MED12L: variants seen among roughly 807,000 people sequenced by gnomAD.
MED12L encodes mediator complex subunit 12L.
MED12L carries 60 observed loss-of-function variants against 281.3 expected under a neutral mutation model. The ratio of observed to expected loss-of-function variants is 0.21; its 90% CI spans 0.17 to 0.26. The LOEUF (loss-of-function observed/expected upper bound fraction) is 0.26, where lower values mean the gene tolerates loss of function less well. Among genes scored for constraint, MED12L ranks in the 10% least tolerant of loss-of-function variants. MED12L has a pLI of 1.00. For synonymous variants in MED12L, 974 were observed against 987.2 expected (o/e 0.99, Z 0.25); for missense variants, 2,146 against 2,680.9 (o/e 0.80, Z 4.41).
intron 39 of MED12L, among the ~76,000 whole-genome samples, chr3:151,406,326 T>C (rs968731363): frequency 2.0e-5 from 3 of 152,232 alleles, no homozygotes; most frequent in African/African-American, 7.2e-5. Flanking sequence ...TCTCAACTAA[T>C]TGAACTGTTT....
At chr3:151,301,581 G>A (rs2149726249) in intron 16 of MED12L, among the ~76,000 whole-genome samples, 1 of 152,266 alleles carries the variant, frequency 6.6e-6, no homozygotes, top group South Asian at 2.1e-4. Flanking sequence ...TTAATAAGGA[G>A]AACAGAACCC....
intron 16 of MED12L, chr3:151,299,929 A>G (rs1745672525): frequency 2.8e-6 from 2 of 710,708 alleles, no homozygotes; most frequent in East Asian, 2.7e-5. Context: ...TGTTTTATAC[A>G]TAAGGAAACA....
chr3:151,282,538 G>C (rs1251433229), intron 16 of MED12L, among the ~76,000 whole-genome samples: 1 of 152,156 alleles, frequency 6.6e-6, no homozygotes, highest in Non-Finnish European at 1.5e-5. Flanking sequence ...TGAAAGTACA[G>C]TGTACAAGGA....
At chr3:151,388,897 T>C (rs1414842264) in intron 37 of MED12L, among the ~76,000 whole-genome samples, 1 of 152,188 alleles carries the variant, frequency 6.6e-6, no homozygotes. Flanking sequence ...AAATATTTGA[T>C]AGAGGATTTG....
At chr3:151,093,528 A>G (rs898343070) in intron 2 of MED12L, among the ~76,000 whole-genome samples, 14 of 152,164 alleles carry the variant, frequency 9.2e-5, no homozygotes, top group Non-Finnish European at 1.9e-4. Context: ...ATATATTAGA[A>G]TCTTTTGGAT....
At chr3:151,397,327 G>A (rs555400401) in intron 39 of MED12L, among the ~76,000 whole-genome samples, 2 of 152,122 alleles carry the variant, frequency 1.3e-5, no homozygotes, top group Admixed American at 6.5e-5. Flanking sequence ...CATTCTTCAA[G>A]TGTTAGATAA....
In MED12L at chr3:151,307,874, C is replaced by T. The variant is rs1746928683; in HGVS notation, c.2251-42185C>T. 2.0e-5 allele frequency among the ~76,000 whole-genome samples: 3 copies of T among 152,194 alleles called. No individual in the cohort carries two copies. In the South Asian group the frequency reaches 6.2e-4, roughly 32 times the overall value. On this transcript the variant is annotated intron_variant, in intron 16 of 44. Transcript: ENST00000687756. ...CTTCCCTGGTAGAAAGTGTTCTAGA[C>T]TGAGATTCCCTGACCAGTGCAAAGT...
intron 4 of MED12L, 125 bp from the exon 5 acceptor site, chr3:151,127,700 A>G (rs750152126): frequency 2.0e-5 from 13 of 645,750 alleles, no homozygotes; most frequent in African/African-American, 3.7e-5. Context: ...TCCATCAAGG[A>G]TATACTTTCT....
chr3:151,323,244 G>C (rs748838141), intron 16 of MED12L, among the ~76,000 whole-genome samples: 22 of 152,088 alleles, frequency 1.4e-4, no homozygotes, highest in Non-Finnish European at 2.5e-4. Context: ...CATCATTCTT[G>C]CCTGCATACA....
At chr3:151,325,751 A>G (rs557893307) in intron 16 of MED12L, among the ~76,000 whole-genome samples, 2 of 152,296 alleles carry the variant, frequency 1.3e-5, no homozygotes, top group South Asian at 2.1e-4. Context: ...CAAAAATTGT[A>G]TACTTTAGGT....
At chr3:151,119,066 A>G (rs1402352251) in intron 3 of MED12L, among the ~76,000 whole-genome samples, 2 of 152,220 alleles carry the variant, frequency 1.3e-5, no homozygotes, top group Non-Finnish European at 2.9e-5. Flanking sequence ...CCTTATGGCT[A>G]AAGTAGTCAT....
At chr3:151,249,211 C>G (rs1045497574) in intron 16 of MED12L, 1 of 152,174 alleles carries the variant, frequency 6.6e-6, no homozygotes, top group Non-Finnish European at 1.5e-5. Flanking sequence ...AAAAGGGAGA[C>G]TGAGCAAGTG....
chr3:151,240,212 TA>T, intron 16 of MED12L, among the ~76,000 whole-genome samples: 1 of 152,184 alleles, frequency 6.6e-6, no homozygotes, highest in East Asian at 1.9e-4. Context: ...CCTGTGTCAA[TA>T]GATGTTCACT....
chr3:151,247,243 C>T (rs1735753712), intron 16 of MED12L, among the ~76,000 whole-genome samples: 1 of 151,832 alleles, frequency 6.6e-6, no homozygotes, highest in African/African-American at 2.4e-5. Flanking sequence ...TACCATTTGA[C>T]CCAGCCATCC....
intron 16 of MED12L, chr3:151,249,088 T>G (rs1736342378): frequency 6.6e-6 from 1 of 152,198 alleles, no homozygotes; most frequent in Non-Finnish European, 1.5e-5. Context: ...TCCAGTATTC[T>G]TTGGAGCCCA....
In MED12L at chr3:151,086,937, T is replaced by G; in HGVS notation, c.11T>G (p.Phe4Cys). The change falls in exon 2 of 45, where the codon TTC becomes TGC. Residue 4 changes from phenylalanine to cysteine, a missense_variant. By Grantham distance (205) the Phe-to-Cys change is radical. Coordinates refer to ENST00000687756, the MANE Select transcript of MED12L (RefSeq NM_001393769.1). ...TTAACATGAGAGATCATGGCCGCCT[T>G]CGGGCTTCTCAGCTATGAGCAGAGA... MAAFGLLSYEQRPL... is the reference protein window; with the variant it reads MAACGLLSYEQRPL... The G allele has an allele frequency of 2.5e-6, 4 of 1,599,982 alleles. No homozygotes were observed. The highest frequency in any genetic ancestry group is 3.4e-6 in the Non-Finnish European group (4 of 1,174,138).
intron 16 of MED12L, among the ~76,000 whole-genome samples, 191 bp from the exon 17 acceptor site, chr3:151,349,868 T>TTA (rs1390639914): frequency 6.6e-6 from 1 of 151,376 alleles, no homozygotes; most frequent in Non-Finnish European, 1.5e-5. Flanking sequence ...TTTTTTTTTT[T>TTA]ATAATGTTAG....
intron 16 of MED12L, among the ~76,000 whole-genome samples, chr3:151,235,931 C>G (rs757352122): frequency 1.3e-5 from 2 of 152,020 alleles, no homozygotes; most frequent in African/African-American, 2.4e-5. Flanking sequence ...TCTCTTGTCT[C>G]CCTTTGTTGT....
intron 13 of MED12L, among the ~76,000 whole-genome samples, chr3:151,189,168 G>A (rs1033085817): frequency 2.6e-5 from 4 of 152,206 alleles, no homozygotes; most frequent in Admixed American, 6.5e-5. Context: ...AAAGGTTGGG[G>A]AGGAGGAAGA....
Sources: gnomAD v4.1 joint callset for allele counts (sites outside exome capture counted in the v4.1 genomes callset) on GRCh38, gnomAD v4.1.1 for gene constraint, MANE v1.5 for transcripts, NCBI Gene and HGNC (gene_info 2026-07-23, HGNC 2026-07-21) for gene names.